CCSER2: variants seen among roughly 807,000 people sequenced by gnomAD.
CCSER2 encodes the protein coiled-coil serine rich protein 2, also known as serine-rich coiled-coil domain-containing protein 2.
CCSER2 carries 46 observed loss-of-function variants against 92.3 expected under a neutral mutation model. The observed-to-expected ratio is 0.50, with a 90% CI of 0.39 to 0.64. The LOEUF (loss-of-function observed/expected upper bound fraction) is 0.64. Ranked by LOEUF, CCSER2 falls within the 30% of genes least tolerant of loss-of-function variation. The pLI, the probability that CCSER2 is intolerant of heterozygous loss-of-function variation, is 0.00. For missense variants in CCSER2, 1,244 were observed against 1,238.9 expected (o/e 1.00, Z -0.06); for synonymous variants, 433 against 431.4 (o/e 1.00, Z -0.04).
At chr10:84,425,964 A>T (rs1472723804) in intron 5 of CCSER2, 71 bp downstream of exon 5, 1 of 1,180,624 alleles carries the variant, frequency 8.5e-7, no homozygotes, top group East Asian at 2.7e-5. Flanking sequence ...CCTTTCCCAG[A>T]ACCCTCAAAA....
At position 84,494,238 on chromosome 10, in the gene CCSER2, G is replaced by A. The variant is rs79219588; in HGVS notation, c.2325+16574G>A. Among the ~76,000 whole-genome samples the A allele has an allele frequency of 6.7e-4, 102 of 152,282 alleles. 4 individuals carry two copies. In the East Asian group the frequency reaches 0.017, roughly 26 times the overall value. ...ATGTAGGGTAACTTCCAGACATTCC[G>A]ATGGCATTTGTGAACTGTCAGGTGC... On this transcript the variant is annotated intron_variant, in intron 9 of 9. Transcript: ENST00000372088.
chr10:84,517,527 G>A lies in CCSER2; in HGVS notation c.*3260G>A, dbSNP rs1406725743. ...GAATATGAAAGAAAATATCAGATTT[G>A]CACTTTAAATGAGCTTAATTGCTTG... On this transcript the variant is annotated 3_prime_UTR_variant, in exon 10 of 10. Transcript: ENST00000372088. 1 of 152,532 alleles carries A rather than the reference G, an allele frequency of 6.6e-6. No homozygotes were observed. The highest frequency in any genetic ancestry group is 1.5e-5 in the Non-Finnish European group (1 of 68,026). 9.4% of individuals were successfully genotyped at this position (152,532 alleles called of 1,614,324 possible). A position where few individuals can be genotyped will look rare whatever the true frequency, so the allele number is the denominator to read the frequency against.
At position 84,328,611 on chromosome 10, in the gene CCSER2, G is replaced by A. The variant is rs1180085964; in HGVS notation, c.-237G>A. The A allele has an allele frequency of 3.3e-5, 5 of 150,548 alleles. No individual in the cohort carries two copies. The highest frequency in any genetic ancestry group is 7.3e-5 in the African/African-American group (3 of 41,160). 9.3% of individuals were successfully genotyped at this position (150,548 alleles called of 1,614,324 possible). A position where few individuals can be genotyped will look rare whatever the true frequency, so the allele number is the denominator to read the frequency against. ...GGCGGAGTCCGGGCGGGCGCCGGCC[G>A]AGGGAGGGGGCGCGGCGGCTTTGGA... On this transcript the variant is annotated 5_prime_UTR_variant, in exon 1 of 10. Coordinates refer to ENST00000372088, the MANE Select transcript of CCSER2 (RefSeq NM_001284240.2).
At chr10:84,335,685 C>G (rs11595016) in intron 1 of CCSER2, among the ~76,000 whole-genome samples, 1 of 152,050 alleles carries the variant, frequency 6.6e-6, no homozygotes, top group African/African-American at 2.4e-5. Flanking sequence ...GACAAAGAAG[C>G]AAGACAGATA....
chr10:84,422,246 G>A (rs1843186684), intron 4 of CCSER2, among the ~76,000 whole-genome samples: 1 of 152,154 alleles, frequency 6.6e-6, no homozygotes, highest in Non-Finnish European at 1.5e-5. Context: ...TTGCCAAAGT[G>A]CCACACTTTG....
At chr10:84,457,257 A>AT (rs71473615) in intron 6 of CCSER2, among the ~76,000 whole-genome samples, 9,940 of 48,964 alleles carry the variant, frequency 0.2, 965 homozygotes, top group South Asian at 0.34. Context: ...TATATTATAT[A>AT]AAATATATTA....
intron 4 of CCSER2, among the ~76,000 whole-genome samples, chr10:84,420,067 A>G (rs1438464426): frequency 1.3e-5 from 2 of 152,216 alleles, no homozygotes; most frequent in Non-Finnish European, 2.9e-5. Flanking sequence ...ATGCTAGGTA[A>G]TGCATTTTAC....
At chr10:84,501,831 A>AT (rs1848742957) in intron 9 of CCSER2, among the ~76,000 whole-genome samples, 2 of 95,984 alleles carry the variant, frequency 2.1e-5, no homozygotes, top group South Asian at 3.5e-4. Flanking sequence ...GGAAAAAAAA[A>AT]AAAATATATA....
intron 9 of CCSER2, among the ~76,000 whole-genome samples, chr10:84,493,352 C>T (rs1411030262): frequency 6.6e-6 from 1 of 151,992 alleles, no homozygotes; most frequent in Non-Finnish European, 1.5e-5. Context: ...TTTTCTTTGT[C>T]AGTCTTGCTA....
chr10:84,414,551 C>G (rs535890967), intron 3 of CCSER2, among the ~76,000 whole-genome samples: 10 of 152,060 alleles, frequency 6.6e-5, no homozygotes, highest in Non-Finnish European at 1.2e-4. Context: ...TTGTAGATGA[C>G]CTGGTCTTTG....
At chr10:84,372,733 G>C (rs887746464) in intron 2 of CCSER2, among the ~76,000 whole-genome samples, 1 of 152,038 alleles carries the variant, frequency 6.6e-6, no homozygotes, top group Non-Finnish European at 1.5e-5. Flanking sequence ...TTCCTGCTTA[G>C]TATATGCAGT....
intron 9 of CCSER2, among the ~76,000 whole-genome samples, chr10:84,498,209 G>C (rs1353539011): frequency 6.6e-6 from 1 of 152,200 alleles, no homozygotes; most frequent in African/African-American, 2.4e-5. Context: ...AAAACGCATA[G>C]GGAGGATTTG....
intron 9 of CCSER2, among the ~76,000 whole-genome samples, chr10:84,498,572 A>G (rs978718100): frequency 1.3e-5 from 2 of 152,328 alleles, no homozygotes; most frequent in Admixed American, 1.3e-4. Flanking sequence ...GTTGATACGG[A>G]AAGTGAGAAA....
In CCSER2 at chr10:84,371,586, A is replaced by G; in HGVS notation, c.534A>G (p.Gly178=). 1.2e-6 allele frequency: 2 copies of G among 1,613,704 alleles called. No individual in the cohort carries two copies. The highest frequency in any genetic ancestry group is 1.7e-4 in the Middle Eastern group (1 of 6,060). Residue 178 remains glycine (G), a synonymous_variant, in exon 2 of 10, where the codon GGA becomes GGG. Transcript: ENST00000372088. ...TPKSQLNGFY[G]NRSAGSMQRP... ...AATCACAGTTGAATGGATTTTATGG[A>G]AACCGATCAGCTGGTAGCATGCAAA...
At chr10:84,374,053 T>G in intron 3 of CCSER2, 3 of 898,870 alleles carry the variant, frequency 3.3e-6, no homozygotes, top group Non-Finnish European at 4.8e-6. Context: ...CTCATACATA[T>G]GTGCATACTA....
intron 3 of CCSER2, among the ~76,000 whole-genome samples, chr10:84,388,045 A>C (rs188520493): frequency 7.8e-4 from 119 of 151,828 alleles, no homozygotes; most frequent in African/African-American, 2.8e-3. Context: ...TTGTAGTTTT[A>C]GTAGAGACGT....
chr10:84,495,097 G>A (rs79697232), intron 9 of CCSER2, among the ~76,000 whole-genome samples: 1 of 149,664 alleles, frequency 6.7e-6, no homozygotes, highest in Non-Finnish European at 1.5e-5. Flanking sequence ...CTCTACTTCA[G>A]CTGTTTCCTA....
At chr10:84,441,905 C>A (rs958382966) in intron 6 of CCSER2, among the ~76,000 whole-genome samples, 1 of 151,666 alleles carries the variant, frequency 6.6e-6, no homozygotes, top group Non-Finnish European at 1.5e-5. Context: ...TACAGGCGCC[C>A]ACCACCACGC....
chr10:84,377,754 C>T (rs933345417), intron 3 of CCSER2, among the ~76,000 whole-genome samples: 3 of 152,066 alleles, frequency 2.0e-5, no homozygotes, highest in African/African-American at 7.2e-5. Flanking sequence ...AGATATAGTC[C>T]TCCATTAATT....
Sources: allele counts gnomAD v4.1 joint callset (sites outside exome capture counted in the v4.1 genomes callset), GRCh38; gene constraint gnomAD v4.1.1; transcripts MANE v1.5; gene names NCBI Gene and HGNC (gene_info 2026-07-23, HGNC 2026-07-21).